Variants in PRKCQ observed in about 807,000 individuals in gnomAD.
PRKCQ encodes protein kinase C theta type.
PRKCQ carries 41 observed loss-of-function variants against 91.2 expected under a neutral mutation model. The ratio of observed to expected loss-of-function variants is 0.45; its 90% CI spans 0.35 to 0.58. PRKCQ has a LOEUF of 0.58. Among genes scored for constraint, PRKCQ ranks in the 20% least tolerant of loss-of-function variants. The pLI is 0.00. For synonymous variants in PRKCQ, 307 were observed against 316.9 expected (o/e 0.97, Z 0.33); for missense variants, 673 against 896.5 (o/e 0.75, Z 3.18).
chr10:6,571,869 T>C (rs1841059905), intron 1 of PRKCQ, among the ~76,000 whole-genome samples: 1 of 152,028 alleles, frequency 6.6e-6, no homozygotes. Flanking sequence ...CCAGGTGTGG[T>C]CCTTCCCTAA....
chr10:6,542,441 T>G (rs757526046), intron 1 of PRKCQ, among the ~76,000 whole-genome samples: 1 of 152,212 alleles, frequency 6.6e-6, no homozygotes, highest in Non-Finnish European at 1.5e-5. Flanking sequence ...GAGCATGGAT[T>G]TTAGACAAGA....
At chr10:6,545,281 G>A (rs74114335) in intron 1 of PRKCQ, among the ~76,000 whole-genome samples, 2,014 of 152,292 alleles carry the variant, frequency 0.013, 49 homozygotes, top group African/African-American at 0.047. Context: ...TGCACTGGGC[G>A]CTGTCTGTTG....
intron 1 of PRKCQ, among the ~76,000 whole-genome samples, chr10:6,568,311 A>G (rs1306194117): frequency 6.6e-6 from 1 of 152,092 alleles, no homozygotes; most frequent in Non-Finnish European, 1.5e-5. Context: ...GAAGACTTAA[A>G]ATATCTTTTC....
chr10:6,485,031 T>C (rs887113173), intron 10 of PRKCQ, 121 bp downstream of exon 10: 1 of 813,462 alleles, frequency 1.2e-6, no homozygotes, highest in East Asian at 2.5e-5. Flanking sequence ...TCTTAGTTGG[T>C]AGCTGGAGGT....
rs1327146517 is a variant in PRKCQ at position 6,559,852 on chromosome 10, C to G, written c.-10+20359G>C. Reference sequence around the variant, plus strand: ...GTGTGTGTGTTTGTTTTTATTGATACATCATATTTTGCATATTTATGGGGC... The same window carrying G: ...GTGTGTGTGTTTGTTTTTATTGATAGATCATATTTTGCATATTTATGGGGC... On this transcript the variant is annotated intron_variant, in intron 1 of 17. Transcript: ENST00000263125. 3.1e-4 allele frequency among the ~76,000 whole-genome samples: 47 copies of G among 152,052 alleles called. 1 individual carries two copies. Among genetic ancestry groups the G allele is most frequent in the Admixed American group, 3.1e-3 (47 of 15,270 alleles).
At chr10:6,461,446 T>G (rs1835347198) in intron 14 of PRKCQ, among the ~76,000 whole-genome samples, 2 of 152,212 alleles carry the variant, frequency 1.3e-5, no homozygotes, top group South Asian at 2.1e-4. Context: ...TCCTGAAGAT[T>G]AAAAAATTAT....
At chr10:6,551,155 A>G (rs1271147975) in intron 1 of PRKCQ, among the ~76,000 whole-genome samples, 1 of 151,328 alleles carries the variant, frequency 6.6e-6, no homozygotes, top group Non-Finnish European at 1.5e-5. Flanking sequence ...CTCTACTGTC[A>G]CCCTCCACCC....
rs138843812 is a variant in PRKCQ, at chr10:6,465,681, G to A, written c.1354-1277C>T. Reference sequence around the variant, plus strand: ...CCAACCGAGGCCGTGGGGCATAGGAGGTAATAGTAGAAACATTGTTCTGGT... The same window carrying A: ...CCAACCGAGGCCGTGGGGCATAGGAAGTAATAGTAGAAACATTGTTCTGGT... On this transcript the variant is annotated intron_variant, in intron 12 of 17. Transcript: ENST00000263125. The surrounding 1 kb of genome is among the most constrained non-coding windows in gnomAD (Gnocchi z 4.4). Among the ~76,000 whole-genome samples the A allele has an allele frequency of 5.9e-5, 9 of 152,328 alleles. 1 individual carries two copies. The highest frequency in any genetic ancestry group is 2.2e-4 in the African/African-American group (9 of 41,564).
intron 1 of PRKCQ, among the ~76,000 whole-genome samples, chr10:6,546,094 G>T (rs1839942188): frequency 6.6e-6 from 1 of 152,166 alleles, no homozygotes; most frequent in Non-Finnish European, 1.5e-5. Context: ...CAAGTGAATT[G>T]TCCGAGGACC....
intron 15 of PRKCQ, among the ~76,000 whole-genome samples, chr10:6,445,164 G>A (rs1458789638): frequency 1.4e-5 from 2 of 145,144 alleles, no homozygotes; most frequent in Non-Finnish European, 3.0e-5. Context: ...AGACATTCCA[G>A]TATTTTCTAG....
chr10:6,411,431 G>T, the PRKCQ span, among the ~76,000 whole-genome samples: 1 of 152,266 alleles, frequency 6.6e-6, no homozygotes, highest in African/African-American at 2.4e-5. Flanking sequence ...TCTCCAAAAG[G>T]TCCGGTGATA....
intron 1 of PRKCQ, among the ~76,000 whole-genome samples, chr10:6,570,936 G>A (rs1298159764): frequency 2.0e-5 from 3 of 152,158 alleles, no homozygotes; most frequent in Non-Finnish European, 4.4e-5. Flanking sequence ...GCAGCCCTGT[G>A]ATCCCCAGGT....
chr10:6,464,546 T>C, intron 12 of PRKCQ, 142 bp from the exon 13 acceptor site: 1 of 652,130 alleles, frequency 1.5e-6, no homozygotes, highest in Non-Finnish European at 2.6e-6. Context: ...GCCTCCTGGC[T>C]TCAAGAGATT....
intron 8 of PRKCQ, among the ~76,000 whole-genome samples, chr10:6,488,608 T>G (rs1347351895): frequency 6.6e-6 from 1 of 152,124 alleles, no homozygotes; most frequent in Non-Finnish European, 1.5e-5. Flanking sequence ...GGTCTCCAAC[T>G]TCTGACCTCA....
At chr10:6,552,096 C>T (rs550595364) in intron 1 of PRKCQ, among the ~76,000 whole-genome samples, 1 of 152,132 alleles carries the variant, frequency 6.6e-6, no homozygotes, top group South Asian at 2.1e-4. Flanking sequence ...TTTTCATATG[C>T]TTGTTGGCTA....
the PRKCQ span, among the ~76,000 whole-genome samples, chr10:6,400,690 G>A: frequency 6.8e-6 from 1 of 146,414 alleles, no homozygotes; most frequent in African/African-American, 2.5e-5. Context: ...CTACATGTAA[G>A]TGTTTTTACT....
chr10:6,466,723 A>T (rs1835676443), intron 12 of PRKCQ, among the ~76,000 whole-genome samples: 1 of 152,230 alleles, frequency 6.6e-6, no homozygotes, highest in Non-Finnish European at 1.5e-5. Context: ...TTTCATAAAC[A>T]GCTGGGGAAG....
At chr10:6,445,614 C>A (rs113556026) in intron 15 of PRKCQ, among the ~76,000 whole-genome samples, 1 of 152,122 alleles carries the variant, frequency 6.6e-6, no homozygotes, top group Non-Finnish European at 1.5e-5. Flanking sequence ...CACTTGTCCC[C>A]GTTTCTGAAA....
At chr10:6,461,615 G>A (rs1835355164) in intron 14 of PRKCQ, among the ~76,000 whole-genome samples, 1 of 152,160 alleles carries the variant, frequency 6.6e-6, no homozygotes, top group Non-Finnish European at 1.5e-5. Context: ...AGAAAATGGA[G>A]AGATCCTTCC....
Sources: gnomAD v4.1 joint callset for allele counts (sites outside exome capture counted in the v4.1 genomes callset) on GRCh38, gnomAD v4.1.1 for gene constraint, Gnocchi (gnomAD v3.1) non-coding constraint, MANE v1.5 for transcripts, NCBI Gene and HGNC (gene_info 2026-07-23, HGNC 2026-07-21) for gene names.